FAM110B: variants seen among roughly 807,000 people sequenced by gnomAD.
FAM110B encodes protein FAM110B.
FAM110B carries 6 observed loss-of-function variants against 20.4 expected under a neutral mutation model. The observed-to-expected ratio is 0.29, with a 90% CI of 0.16 to 0.58. FAM110B has a LOEUF of 0.58. FAM110B is among the 20% of genes least tolerant of loss of function. FAM110B has a pLI of 0.90. For synonymous variants in FAM110B, 226 were observed against 214.1 expected, an observed-to-expected ratio of 1.06 and a Z score of -0.49; for missense variants, 434 against 498.2, an observed-to-expected ratio of 0.87 and a Z score of 1.23.
At chr8:58,067,141 C>T (rs1356826639) in intron 2 of FAM110B, among the ~76,000 whole-genome samples, 1 of 152,306 alleles carries the variant, frequency 6.6e-6, no homozygotes, top group African/African-American at 2.4e-5. Flanking sequence ...AAAGCTGTAA[C>T]AGTTGTAACA....
At position 58,065,579 on chromosome 8, in the gene FAM110B, T is replaced by G. The variant is rs753058251; in HGVS notation, c.-413-9956T>G. On this transcript the variant is annotated intron_variant, in intron 2 of 3. Transcript: ENST00000519262. The stretch of plus-strand genomic sequence containing the variant: ...ATCTATTTATGATTATAATACCTAA[T>G]TATTATTAGGTTGTAATATGTCATT... Among the ~76,000 whole-genome samples the G allele has an allele frequency of 2.2e-4, 33 of 152,322 alleles. 1 individual carries two copies. The highest frequency in any genetic ancestry group is 6.2e-4 in the South Asian group (3 of 4,824).
intron 3 of FAM110B, among the ~76,000 whole-genome samples, chr8:58,114,606 G>A (rs1807150875): frequency 6.6e-6 from 1 of 152,186 alleles, no homozygotes; most frequent in Admixed American, 6.5e-5. Context: ...ACCTGAACAA[G>A]TTGGGGAGGA....
intron 2 of FAM110B, among the ~76,000 whole-genome samples, chr8:58,033,686 G>T (rs1318254717): frequency 6.6e-6 from 1 of 152,050 alleles, no homozygotes; most frequent in Non-Finnish European, 1.5e-5. Context: ...CTAATCATCA[G>T]AAAAATACAA....
At chr8:58,062,237 A>C (rs1468683893) in intron 2 of FAM110B, among the ~76,000 whole-genome samples, 9 of 152,236 alleles carry the variant, frequency 5.9e-5, no homozygotes, top group Non-Finnish European at 1.3e-4. Context: ...AAACAGGAGA[A>C]ATATAGGGAA....
intron 3 of FAM110B, among the ~76,000 whole-genome samples, chr8:58,126,320 T>A (rs1807502380): frequency 6.6e-6 from 1 of 152,214 alleles, no homozygotes; most frequent in African/African-American, 2.4e-5. Flanking sequence ...TTTGGTTGCT[T>A]CTAGTTTGGA....
chr8:58,146,742 G>T lies in FAM110B; in HGVS notation c.512G>T (p.Arg171Leu), dbSNP rs750259825. 6.2e-6 allele frequency: 10 copies of T among 1,611,176 alleles called. No individual in the cohort carries two copies. The highest frequency in any genetic ancestry group is 1.1e-5 in the South Asian group (1 of 90,880). ...CTGAAGGTCTACCCCACGCAGGGCC[G>T]CAGGAGCCCGCAGGAGGGCGGCTCC... The part of the protein sequence containing the change: ...ESLKVYPTQG[R>L]RSPQEGGSHV... The change falls in exon 4 of 4, where the codon CGC becomes CTC. Residue 171 changes from arginine to leucine, a missense_variant. Physicochemically the swap from Arg to Leu is moderately radical, Grantham distance 102. This residue lies in a region of FAM110B where 284 missense variants were observed against 278.3 expected (regional missense o/e 1.02). Coordinates refer to ENST00000519262, the MANE Select transcript of FAM110B (RefSeq NM_001377989.1).
intron 2 of FAM110B, among the ~76,000 whole-genome samples, chr8:58,066,101 G>A (rs1351736489): frequency 6.6e-6 from 1 of 152,052 alleles, no homozygotes. Flanking sequence ...CCAGAGCCTC[G>A]TAGTACCCCG....
chr8:58,139,906 G>A (rs534294931), intron 3 of FAM110B, among the ~76,000 whole-genome samples: 32 of 152,142 alleles, frequency 2.1e-4, no homozygotes, highest in Non-Finnish European at 4.1e-4. Context: ...CTCCAGCCTG[G>A]GCAACAGAAC....
At chr8:58,142,559 T>C (rs10108190) in intron 3 of FAM110B, among the ~76,000 whole-genome samples, 91,698 of 141,672 alleles carry the variant, frequency 0.65, 28,773 homozygotes, top group Admixed American at 0.7. Flanking sequence ...CCCCGACCCC[T>C]GCCACCATCA....
At chr8:58,003,904 A>G (rs962538500) in intron 1 of FAM110B, among the ~76,000 whole-genome samples, 5 of 152,180 alleles carry the variant, frequency 3.3e-5, no homozygotes, top group African/African-American at 1.2e-4. Context: ...TGAGAGAGTC[A>G]GCCTGTCTTT....
chr8:58,080,841 A>G (rs1469564540), intron 3 of FAM110B, among the ~76,000 whole-genome samples: 2 of 152,234 alleles, frequency 1.3e-5, no homozygotes, highest in East Asian at 3.9e-4. Context: ...AGAGCTTCAC[A>G]GAGCACTGGC....
chr8:58,080,852 C>A (rs1377518523), intron 3 of FAM110B, among the ~76,000 whole-genome samples: 1 of 152,156 alleles, frequency 6.6e-6, no homozygotes, highest in Non-Finnish European at 1.5e-5. Context: ...GAGCACTGGC[C>A]CTTCATGTTC....
intron 3 of FAM110B, among the ~76,000 whole-genome samples, chr8:58,116,317 A>C (rs1007503202): frequency 6.6e-6 from 1 of 152,066 alleles, no homozygotes; most frequent in African/African-American, 2.4e-5. Context: ...TCTCTCCTGG[A>C]TGCAAAACCT....
intron 3 of FAM110B, chr8:58,099,137 C>A (rs1188855046): frequency 6.6e-6 from 1 of 152,194 alleles, no homozygotes; most frequent in East Asian, 1.9e-4. Flanking sequence ...TGGTGTAATA[C>A]CTCAAGGGAT....
At chr8:58,100,283 G>A (rs1044619501) in intron 3 of FAM110B, among the ~76,000 whole-genome samples, 8 of 151,578 alleles carry the variant, frequency 5.3e-5, no homozygotes, top group Non-Finnish European at 2.9e-5. Context: ...GACTCAGTTT[G>A]GGGTACTGGA....
intron 2 of FAM110B, among the ~76,000 whole-genome samples, chr8:58,075,287 G>GTGTGTGTGTGTGTGTGTTTT (rs1806010199): frequency 6.7e-6 from 1 of 149,662 alleles, no homozygotes; most frequent in African/African-American, 2.5e-5. Flanking sequence ...GTGTGTGTGT[G>GTGTGTGTGTGTGTGTGTTTT]TGTGTGTGTT....
intron 3 of FAM110B, chr8:58,113,098 C>T (rs910200701): frequency 1.3e-5 from 2 of 151,446 alleles, no homozygotes; most frequent in African/African-American, 4.9e-5. Context: ...TGGGGGGGGG[C>T]TCTGCCCTCA....
intron 3 of FAM110B, among the ~76,000 whole-genome samples, chr8:58,092,500 G>T (rs940530371): frequency 3.3e-5 from 5 of 152,088 alleles, no homozygotes; most frequent in Non-Finnish European, 7.3e-5. Flanking sequence ...GCGGTGTTTG[G>T]TTTTCTGTTT....
chr8:58,033,072 C>G (rs192952467), intron 2 of FAM110B, among the ~76,000 whole-genome samples: 7 of 152,266 alleles, frequency 4.6e-5, no homozygotes, highest in African/African-American at 1.4e-4. Flanking sequence ...GTAACTCCCC[C>G]CAGTAGTCTC....
Sources: allele counts gnomAD v4.1 joint callset (sites outside exome capture counted in the v4.1 genomes callset), GRCh38; gene constraint gnomAD v4.1.1; regional missense constraint gnomAD v4.1.1; transcripts MANE v1.5; gene names NCBI Gene and HGNC (gene_info 2026-07-23, HGNC 2026-07-21).